The following RGL1 variants were observed in gnomAD, a reference collection of about 807,000 sequenced individuals.
RGL1 encodes the protein ral guanine nucleotide dissociation stimulator-like 1.
RGL1 carries 24 observed loss-of-function variants against 95.2 expected under a neutral mutation model. The ratio of observed to expected loss-of-function variants is 0.25; its 90% confidence interval spans 0.18 to 0.35. The LOEUF is 0.35. RGL1 is among the 10% of genes least tolerant of loss of function. The pLI is 1.00. For synonymous variants in RGL1, 329 were observed against 344.9 expected (o/e 0.95, Z 0.51); for missense variants, 715 against 936.3 (o/e 0.76, Z 3.08).
chr1:183,697,449 C>G (rs1053427040), intron 1 of RGL1, among the ~76,000 whole-genome samples: 1 of 152,194 alleles, frequency 6.6e-6, no homozygotes, highest in African/African-American at 2.4e-5. Flanking sequence ...TTGTCCACTA[C>G]TATATGCCAA....
At chr1:183,802,909 T>C (rs1661075399), upstream of RGL1, among the ~76,000 whole-genome samples, 2 of 152,230 alleles carry the variant, frequency 1.3e-5, no homozygotes, top group Non-Finnish European at 1.5e-5. Flanking sequence ...GAGTTATAAA[T>C]GGCTTACTGG....
intron 1 of RGL1, among the ~76,000 whole-genome samples, chr1:183,717,835 A>C (rs1042930315): frequency 2.6e-5 from 4 of 152,228 alleles, no homozygotes; most frequent in African/African-American, 9.6e-5. Context: ...AGCCTCTCAG[A>C]GGAAGTGGCA....
intron 17 of RGL1, among the ~76,000 whole-genome samples, chr1:183,925,242 GC>G (rs1421531982): frequency 6.6e-6 from 1 of 152,154 alleles, no homozygotes; most frequent in Non-Finnish European, 1.5e-5. Flanking sequence ...TTTTCTACCA[GC>G]CTGTTTCCTT....
chr1:183,884,016 T>G, intron 6 of RGL1, 106 bp downstream of exon 6: 1 of 1,202,518 alleles, frequency 8.3e-7, no homozygotes, highest in Non-Finnish European at 1.2e-6. Flanking sequence ...TTAAGTCTTC[T>G]TGAATCCTTG....
intron 2 of RGL1, among the ~76,000 whole-genome samples, chr1:183,828,526 C>T (rs909606218): frequency 3.3e-5 from 5 of 152,264 alleles, no homozygotes; most frequent in Admixed American, 3.3e-4. Context: ...TTCCGTGAGG[C>T]TTTGGAGTCT....
intron 1 of RGL1, among the ~76,000 whole-genome samples, chr1:183,685,593 A>G (rs1407890255): frequency 6.6e-6 from 1 of 152,230 alleles, no homozygotes; most frequent in African/African-American, 2.4e-5. Flanking sequence ...ATTATAGTAC[A>G]TGAAACATTT....
intron 1 of RGL1, among the ~76,000 whole-genome samples, chr1:183,648,964 T>C (rs1251808263): frequency 6.6e-6 from 1 of 152,248 alleles, no homozygotes; most frequent in Non-Finnish European, 1.5e-5. Flanking sequence ...CATTATTCTT[T>C]ATTGAGACTC....
At chr1:183,654,315 C>T (rs1650985202) in intron 1 of RGL1, among the ~76,000 whole-genome samples, 1 of 152,206 alleles carries the variant, frequency 6.6e-6, no homozygotes, top group Non-Finnish European at 1.5e-5. Context: ...CCTGTCCCTT[C>T]CCCACAGTTT....
At chr1:183,650,457 A>G (rs1478004652) in intron 1 of RGL1, among the ~76,000 whole-genome samples, 3 of 152,010 alleles carry the variant, frequency 2.0e-5, no homozygotes, top group East Asian at 3.9e-4. Flanking sequence ...GCAGGAGAAT[A>G]GCGTGAACCC....
intron 3 of RGL1, among the ~76,000 whole-genome samples, chr1:183,860,737 T>C (rs959608926): frequency 6.6e-6 from 1 of 152,222 alleles, no homozygotes; most frequent in Non-Finnish European, 1.5e-5. Context: ...TGACTTAGTA[T>C]ATATTAACTA....
intron 1 of RGL1, among the ~76,000 whole-genome samples, chr1:183,723,473 C>T (rs568415165): frequency 2.0e-5 from 3 of 152,250 alleles, no homozygotes; most frequent in South Asian, 4.2e-4. Context: ...TGGCAGTGGC[C>T]GCATAGCAAA....
intron 2 of RGL1, among the ~76,000 whole-genome samples, chr1:183,763,242 C>T (rs767056823): frequency 5.3e-5 from 8 of 152,014 alleles, no homozygotes; most frequent in Non-Finnish European, 1.0e-4. Flanking sequence ...CCTGTCAGGA[C>T]ATGGGGACTA....
intron 1 of RGL1, among the ~76,000 whole-genome samples, chr1:183,725,146 C>T (rs6660352): frequency 0.47 from 70,832 of 151,968 alleles, 17,284 homozygotes; most frequent in East Asian, 0.76. Flanking sequence ...AGAGCCACAG[C>T]GTTACTGAGC....
intron 2 of RGL1, among the ~76,000 whole-genome samples, chr1:183,752,774 G>T (rs1252482022): frequency 1.3e-5 from 2 of 148,756 alleles, no homozygotes; most frequent in Non-Finnish European, 3.0e-5. Context: ...TAGTTTAGAT[G>T]ACTATAGAAT....
At chr1:183,755,777 G>A (rs1658288204) in intron 2 of RGL1, among the ~76,000 whole-genome samples, 1 of 152,162 alleles carries the variant, frequency 6.6e-6, no homozygotes, top group Admixed American at 6.5e-5. Flanking sequence ...AGTGTCCACA[G>A]GTATTTCGAG....
intron 1 of RGL1, among the ~76,000 whole-genome samples, chr1:183,663,865 A>G (rs1572244031): frequency 1.3e-5 from 2 of 151,504 alleles, no homozygotes; most frequent in South Asian, 4.2e-4. Flanking sequence ...CATATACACC[A>G]TGGAATACTA....
At chr1:183,713,923 A>T (rs941943330) in intron 1 of RGL1, among the ~76,000 whole-genome samples, 8 of 152,230 alleles carry the variant, frequency 5.3e-5, no homozygotes, top group African/African-American at 1.9e-4. Context: ...TATTTGTTTG[A>T]TGAATGAATC....
At chr1:183,916,734 T>C (rs1669003022) in intron 16 of RGL1, 33 bp downstream of exon 16, 1 of 1,596,674 alleles carries the variant, frequency 6.3e-7, no homozygotes, top group African/African-American at 1.3e-5. Flanking sequence ...GGAGCGGGTT[T>C]CCATTTAGAT....
At chr1:183,834,814 A>G (rs1350897120) in intron 2 of RGL1, among the ~76,000 whole-genome samples, 1 of 152,006 alleles carries the variant, frequency 6.6e-6, no homozygotes, top group East Asian at 1.9e-4. Flanking sequence ...TCAGCCTCCC[A>G]AGTAGCTAGG....
Sources: gnomAD v4.1 joint callset for allele counts (sites outside exome capture counted in the v4.1 genomes callset) on GRCh38, gnomAD v4.1.1 for gene constraint, MANE v1.5 for transcripts, NCBI Gene and HGNC (gene_info 2026-07-23, HGNC 2026-07-21) for gene names.